RCL1: variants seen among roughly 807,000 people sequenced by gnomAD.
RCL1 encodes RNA 3'-terminal phosphate cyclase-like protein.
In RCL1, 24 loss-of-function variants were observed where a neutral mutation model predicts 42.4. The ratio of observed to expected loss-of-function variants is 0.57; its 90% CI spans 0.41 to 0.80. The LOEUF (loss-of-function observed/expected upper bound fraction) is 0.80, where lower values mean the gene tolerates loss of function less well. RCL1 is among the 30% of genes least tolerant of loss of function. The pLI is 0.00. For synonymous variants in RCL1, 228 were observed against 177.3 expected (o/e 1.29, Z -2.27); for missense variants, 578 against 467.9 (o/e 1.24, Z -2.17).
intron 8 of RCL1, 121 bp downstream of exon 8, chr9:4,849,671 C>G (rs776795295): frequency 1.8e-4 from 125 of 684,610 alleles, no homozygotes; most frequent in Non-Finnish European, 3.2e-4. Context: ...TGTTTATCCT[C>G]AAATCAGCCA....
intron 1 of RCL1, among the ~76,000 whole-genome samples, chr9:4,802,131 G>A (rs778463561): frequency 1.3e-4 from 18 of 143,924 alleles, no homozygotes; most frequent in Middle Eastern, 3.6e-3. Flanking sequence ...CACCATGTTG[G>A]CCAGGCTGGT....
chr9:4,828,825 CA>C (rs1042547547), intron 3 of RCL1, among the ~76,000 whole-genome samples: 1 of 152,092 alleles, frequency 6.6e-6, no homozygotes, highest in Non-Finnish European at 1.5e-5. Context: ...AAATGGGACC[CA>C]AAAAGTCTGT....
intron 1 of RCL1, among the ~76,000 whole-genome samples, chr9:4,817,725 G>T (rs1816434463): frequency 1.3e-5 from 2 of 151,722 alleles, no homozygotes; most frequent in South Asian, 4.1e-4. Flanking sequence ...TTGAACACCT[G>T]GGCTCAAGTA....
chr9:4,848,584 A>G (rs373846893), intron 7 of RCL1, among the ~76,000 whole-genome samples: 9 of 152,372 alleles, frequency 5.9e-5, no homozygotes, highest in African/African-American at 2.2e-4. Flanking sequence ...TAGAAATTCA[A>G]GGTCATCCTT....
chr9:4,831,212 T>C (rs1816929885), intron 3 of RCL1, among the ~76,000 whole-genome samples: 1 of 152,204 alleles, frequency 6.6e-6, no homozygotes, highest in Non-Finnish European at 1.5e-5. Context: ...CACCTGGAAT[T>C]ACCCTTGGGC....
chr9:4,856,511 A>C (rs1206475517), intron 8 of RCL1, among the ~76,000 whole-genome samples: 2 of 152,162 alleles, frequency 1.3e-5, no homozygotes, highest in South Asian at 4.1e-4. Flanking sequence ...TTGTTTGAAT[A>C]ACGGGTTCAG....
chr9:4,837,437 T>C (rs1817177938), intron 5 of RCL1, among the ~76,000 whole-genome samples: 1 of 152,190 alleles, frequency 6.6e-6, no homozygotes, highest in Admixed American at 6.5e-5. Context: ...TGGGTTTGTC[T>C]GGGGGGTAGT....
chr9:4,802,081 T>A (rs922441454), intron 1 of RCL1, among the ~76,000 whole-genome samples: 3 of 147,588 alleles, frequency 2.0e-5, no homozygotes, highest in African/African-American at 5.0e-5. Flanking sequence ...GCTATTTTTT[T>A]TTTTTTTTTT....
intron 7 of RCL1, 141 bp from the exon 8 acceptor site, chr9:4,849,306 A>T: frequency 1.6e-6 from 1 of 638,056 alleles, no homozygotes; most frequent in East Asian, 2.7e-5. Context: ...GATTACTCTT[A>T]TAAGACCTGT....
rs949204685 is a variant in RCL1 at position 4,836,042 on chromosome 9, G to GC, written c.584+1778dup. On this transcript the variant is annotated intron_variant, in intron 5 of 8. Coordinates refer to ENST00000381750, the MANE Select transcript of RCL1 (RefSeq NM_005772.5). ...GATGGGATTGAGGGTAAGGGGATGGGCGGGGTAGGATAAGAGAGTGTGACA... is the reference window on the plus strand; with the variant it reads ...GATGGGATTGAGGGTAAGGGGATGGGCCGGGGTAGGATAAGAGAGTGTGACA... Among the ~76,000 whole-genome samples, 5 of 152,252 alleles carry GC rather than the reference G, an allele frequency of 3.3e-5. No individual in the cohort carries two copies. The South Asian group carries it at 1.0e-3, about 32-fold the overall frequency.
intron 1 of RCL1, among the ~76,000 whole-genome samples, chr9:4,811,890 T>C (rs1253039275): frequency 6.6e-6 from 1 of 152,204 alleles, no homozygotes; most frequent in Non-Finnish European, 1.5e-5. Context: ...TAATTGCCAT[T>C]CTAACTGGGG....
chr9:4,832,449 A>G (rs953362621), intron 3 of RCL1, among the ~76,000 whole-genome samples: 2 of 152,328 alleles, frequency 1.3e-5, no homozygotes, highest in African/African-American at 4.8e-5. Context: ...AACATTAAAT[A>G]ACCCTACTGG....
chr9:4,826,090 G>C (rs1395988693), intron 2 of RCL1, among the ~76,000 whole-genome samples: 1 of 151,258 alleles, frequency 6.6e-6, no homozygotes, highest in Non-Finnish European at 1.5e-5. Flanking sequence ...AAGAAAGAAA[G>C]AAAGAAAGAA....
At position 4,853,383 on chromosome 9, in the gene RCL1, G is replaced by A. The variant is rs548612760; in HGVS notation, c.971+3833G>A. On this transcript the variant is annotated intron_variant, in intron 8 of 8. Transcript: ENST00000381750. ...TGTCGCCCAGGCTGAGTGCAGTGGC[G>A]CGATCTCAGCTCACTGCAAGCTCTA... Among the ~76,000 whole-genome samples the A allele has an allele frequency of 1.7e-4, 26 of 150,640 alleles. No homozygotes were observed. In the East Asian group the frequency reaches 3.3e-3, roughly 19 times the overall value.
intron 1 of RCL1, among the ~76,000 whole-genome samples, chr9:4,821,467 T>A (rs187440636): frequency 6.6e-6 from 1 of 152,298 alleles, no homozygotes; most frequent in Admixed American, 6.5e-5. Flanking sequence ...TATAACAATG[T>A]CACAGGCACA....
At chr9:4,798,878 C>CTT (rs33938649) in intron 1 of RCL1, among the ~76,000 whole-genome samples, 4 of 139,786 alleles carry the variant, frequency 2.9e-5, no homozygotes, top group African/African-American at 5.3e-5. Context: ...AAGACTTCTT[C>CTT]TTTTTTTTTT....
intron 1 of RCL1, among the ~76,000 whole-genome samples, chr9:4,799,511 T>C (rs1842964618): frequency 6.6e-6 from 1 of 152,212 alleles, no homozygotes; most frequent in Admixed American, 6.5e-5. Context: ...CAAGGATTCT[T>C]CATGTCTGTT....
chr9:4,795,999 A>C (rs949867604), intron 1 of RCL1, among the ~76,000 whole-genome samples: 2 of 152,182 alleles, frequency 1.3e-5, no homozygotes, highest in Non-Finnish European at 2.9e-5. Context: ...GTTACGAAGG[A>C]AGGCAGGTTT....
At chr9:4,858,076 G>C (rs943579666) in intron 8 of RCL1, among the ~76,000 whole-genome samples, 2 of 151,728 alleles carry the variant, frequency 1.3e-5, no homozygotes, top group Non-Finnish European at 2.9e-5. Flanking sequence ...TAGAGATGGG[G>C]GTCGTAATAG....
Sources: gnomAD v4.1 joint callset for allele counts (sites outside exome capture counted in the v4.1 genomes callset) on GRCh38, gnomAD v4.1.1 for gene constraint, MANE v1.5 for transcripts, NCBI Gene and HGNC (gene_info 2026-07-23, HGNC 2026-07-21) for gene names.